The following LYPLAL1 variants were observed in gnomAD, a reference collection of about 807,000 sequenced individuals.
The protein encoded by LYPLAL1 is lysophospholipase like 1, also known as lysophospholipase-like protein 1.
LYPLAL1 carries 23 observed loss-of-function variants against 19.7 expected under a neutral mutation model. The ratio of observed to expected loss-of-function variants is 1.17; its 90% CI spans 0.84 to 1.65. LYPLAL1 has a LOEUF of 1.65. LYPLAL1 is among the 40% of genes most tolerant of loss of function. The probability of loss-of-function intolerance (pLI) is 0.00; values close to 1 mark genes in which losing one functional copy is unlikely to be tolerated. For synonymous variants in LYPLAL1, 119 were observed against 96.3 expected, an observed-to-expected ratio of 1.24 and a Z score of -1.38; for missense variants, 355 against 279.4, an observed-to-expected ratio of 1.27 and a Z score of -1.93.
chr1:219,191,716 A>G (rs1657195814), intron 2 of LYPLAL1, among the ~76,000 whole-genome samples: 1 of 151,492 alleles, frequency 6.6e-6, no homozygotes, highest in Admixed American at 6.6e-5. Context: ...TGACATGAAA[A>G]ACATCTAAAC....
the LYPLAL1 span, among the ~76,000 whole-genome samples, chr1:219,376,078 T>G: frequency 5.3e-5 from 8 of 152,092 alleles, no homozygotes; most frequent in Non-Finnish European, 1.2e-4. Context: ...CAAACCTACA[T>G]TAATCAAAAT....
chr1:219,270,166 G>A, the LYPLAL1 span, among the ~76,000 whole-genome samples: 1 of 152,240 alleles, frequency 6.6e-6, no homozygotes, highest in Admixed American at 6.5e-5. Flanking sequence ...AAGATGCCAA[G>A]TGGTGTTATT....
At chr1:219,375,798 G>A in the LYPLAL1 span, among the ~76,000 whole-genome samples, 2 of 147,902 alleles carry the variant, frequency 1.4e-5, no homozygotes, top group Non-Finnish European at 3.0e-5. Flanking sequence ...CTGGAGTACA[G>A]TGGCGCGATC....
intron 3 of LYPLAL1, among the ~76,000 whole-genome samples, chr1:219,199,103 T>C (rs1218116914): frequency 6.6e-6 from 1 of 152,202 alleles, no homozygotes; most frequent in African/African-American, 2.4e-5. Flanking sequence ...GGTCATTCAG[T>C]GAAAAAAAGC....
the LYPLAL1 span, among the ~76,000 whole-genome samples, chr1:219,375,390 C>T: frequency 9.3e-4 from 140 of 150,064 alleles, no homozygotes; most frequent in Middle Eastern, 6.9e-3. Flanking sequence ...TGCTTGAACC[C>T]GGGAGGCGGA....
the LYPLAL1 span, among the ~76,000 whole-genome samples, chr1:219,230,871 C>A: frequency 6.6e-6 from 1 of 152,194 alleles, no homozygotes; most frequent in Non-Finnish European, 1.5e-5. Context: ...ATTCTTAAGA[C>A]AACCATGCCA....
At chr1:219,408,618 G>GC in the LYPLAL1 span, among the ~76,000 whole-genome samples, 1 of 151,794 alleles carries the variant, frequency 6.6e-6, no homozygotes, top group Non-Finnish European at 1.5e-5. Context: ...GGCAGGGGCT[G>GC]GGGGGGTGGT....
Position 219,204,643 on chromosome 1 carries a change from G to A in LYPLAL1, c.362-5889G>A, listed in dbSNP as rs1658401212. Among the ~76,000 whole-genome samples, 3 of 152,186 alleles carry A rather than the reference G, an allele frequency of 2.0e-5. No individual in the cohort carries two copies. The South Asian group carries it at 6.2e-4, about 31-fold the overall frequency. On this transcript the variant is annotated intron_variant, in intron 3 of 4. Transcript: ENST00000366928. ...TTTAGGTAATGTTTTAAGTTCTGAAGTTGTTTTTATATACATTAGATCTCC... is the reference window on the plus strand; with the variant it reads ...TTTAGGTAATGTTTTAAGTTCTGAAATTGTTTTTATATACATTAGATCTCC...
chr1:219,218,707 T>C, the LYPLAL1 span, among the ~76,000 whole-genome samples: 2 of 152,136 alleles, frequency 1.3e-5, no homozygotes, highest in Non-Finnish European at 2.9e-5. Flanking sequence ...TATTCCTATA[T>C]TGAAGGTAAG....
chr1:219,394,710 A>G, the LYPLAL1 span, among the ~76,000 whole-genome samples: 1 of 152,126 alleles, frequency 6.6e-6, no homozygotes, highest in African/African-American at 2.4e-5. Context: ...GGTTTGTTAT[A>G]TAGATTATTT....
the LYPLAL1 span, chr1:219,222,438 G>A: frequency 6.6e-6 from 1 of 152,032 alleles, no homozygotes. Flanking sequence ...TCCCTGAGAG[G>A]GCCAAAGCTT....
the LYPLAL1 span, among the ~76,000 whole-genome samples, chr1:219,290,550 A>T: frequency 1.3e-5 from 2 of 152,328 alleles, no homozygotes; most frequent in Non-Finnish European, 2.9e-5. Flanking sequence ...CTTATAGCAG[A>T]GCACATCTCC....
the LYPLAL1 span, among the ~76,000 whole-genome samples, chr1:219,345,058 T>C: frequency 2.0e-5 from 3 of 152,230 alleles, no homozygotes; most frequent in Admixed American, 2.0e-4. Context: ...ATGATAACTT[T>C]CTTTTCAGCA....
the LYPLAL1 span, among the ~76,000 whole-genome samples, chr1:219,336,437 A>G: frequency 8.6e-4 from 130 of 152,028 alleles, no homozygotes; most frequent in African/African-American, 3.0e-3. Context: ...GATAATGAGT[A>G]AAAAATACTT....
rs181095263 is a variant in LYPLAL1 at position 219,174,868 on chromosome 1, G to T, written c.91+887G>T. 4.7e-5 allele frequency: 46 copies of T among 981,384 alleles called. No homozygotes were observed. In the African/African-American group the frequency reaches 8.0e-4, roughly 17 times the overall value. 60.8% of individuals were successfully genotyped at this position (981,384 alleles called of 1,614,324 possible). On this transcript the variant is annotated intron_variant, in intron 1 of 4. Transcript: ENST00000366928. ...AAAACAAAAACAATCCAATTAGTTTGAGTCAGCAGTGCATGGAAGATCACA... is the reference window on the plus strand; with the variant it reads ...AAAACAAAAACAATCCAATTAGTTTTAGTCAGCAGTGCATGGAAGATCACA...
Position 219,210,644 on chromosome 1 carries a change from C to G in LYPLAL1, c.474C>G (p.Tyr158Ter). Reference sequence around the variant, plus strand: ...TTCTGAATAAAGCATCTGCTGTTTACCAGGTAAGTTCCAGATTTAAAAAAA... The same window carrying G: ...TTCTGAATAAAGCATCTGCTGTTTAGCAGGTAAGTTCCAGATTTAAAAAAA... ...SSFLNKASAV[Y>*]QALQKSNGVL... Residue 158 changes from tyrosine to a stop codon, truncating the protein, a stop_gained, in exon 4 of 5, where the codon TAC becomes TAG. Transcript: ENST00000366928. LOFTEE classifies it low-confidence loss of function (END_TRUNC). 1 of 1,601,910 alleles carries G rather than the reference C, an allele frequency of 6.2e-7. No homozygotes were observed. The highest frequency in any genetic ancestry group is 8.5e-7 in the Non-Finnish European group (1 of 1,174,908).
downstream of LYPLAL1, among the ~76,000 whole-genome samples, chr1:219,216,024 G>T (rs1659278591): frequency 6.6e-6 from 1 of 151,592 alleles, no homozygotes; most frequent in Non-Finnish European, 1.5e-5. Flanking sequence ...ATTTCCATAT[G>T]GTGTCATTTT....
At chr1:219,352,397 A>C in the LYPLAL1 span, among the ~76,000 whole-genome samples, 2 of 152,210 alleles carry the variant, frequency 1.3e-5, no homozygotes, top group South Asian at 4.1e-4. Context: ...GGGCGCCTGT[A>C]GTCTCAGCTA....
the LYPLAL1 span, among the ~76,000 whole-genome samples, chr1:219,311,281 A>G: frequency 1.3e-5 from 2 of 152,208 alleles, no homozygotes; most frequent in Admixed American, 1.3e-4. Flanking sequence ...AGATGCAGCA[A>G]TATCACCTGA....
Sources: allele counts gnomAD v4.1 joint callset (sites outside exome capture counted in the v4.1 genomes callset), GRCh38; gene constraint gnomAD v4.1.1; transcripts MANE v1.5; gene names NCBI Gene and HGNC (gene_info 2026-07-23, HGNC 2026-07-21).